The following CDH23 variants were observed in gnomAD, a reference collection of about 807,000 sequenced individuals.
The protein encoded by CDH23 is cadherin related 23.
Under a neutral mutation model 317.1 loss-of-function variants are expected in CDH23, and 189 were observed. The observed-to-expected ratio is 0.60, with a 90% CI of 0.53 to 0.67. CDH23 has a LOEUF of 0.67. Ranked by LOEUF, CDH23 falls within the 30% of genes least tolerant of loss-of-function variation. CDH23 has a pLI of 0.00. For synonymous variants in CDH23, 1,839 were observed against 1,876.8 expected (o/e 0.98, Z 0.52); for missense variants, 4,401 against 4,592.4 (o/e 0.96, Z 1.20).
intron 48 of CDH23, chr10:71,795,923 CA>C: frequency 1.0e-6 from 1 of 986,380 alleles, no homozygotes; most frequent in Non-Finnish European, 1.2e-6. Context: ...ACCACACCCC[CA>C]CCACCCTTCC....
At chr10:71,653,370 C>T (rs1383150785) in intron 14 of CDH23, among the ~76,000 whole-genome samples, 2 of 152,222 alleles carry the variant, frequency 1.3e-5, no homozygotes, top group Non-Finnish European at 2.9e-5. Flanking sequence ...GCCACAGGGC[C>T]TCTCCCTCTG....
At chr10:71,471,952 A>G (rs1851537904) in intron 3 of CDH23, among the ~76,000 whole-genome samples, 1 of 152,174 alleles carries the variant, frequency 6.6e-6, no homozygotes, top group Non-Finnish European at 1.5e-5. Context: ...TTGCTTTGAG[A>G]GTCAATGTGA....
chr10:71,473,581 A>T (rs1018420175), intron 3 of CDH23, among the ~76,000 whole-genome samples: 1 of 152,214 alleles, frequency 6.6e-6, no homozygotes, highest in African/African-American at 2.4e-5. Flanking sequence ...TCCCAGGGCA[A>T]GTTCCTCAAC....
intron 3 of CDH23, among the ~76,000 whole-genome samples, chr10:71,446,785 A>C (rs1850191442): frequency 6.6e-6 from 1 of 152,222 alleles, no homozygotes; most frequent in Admixed American, 6.5e-5. Flanking sequence ...TAGAAAAAAC[A>C]TGAACTATTT....
rs139793369 is a variant in CDH23 at position 71,509,239 on chromosome 10, T to C, written c.146-843T>C. 6.7e-3 allele frequency among the ~76,000 whole-genome samples: 1,015 copies of C among 152,350 alleles called. 11 individuals are homozygous for C. Among genetic ancestry groups the C allele is most frequent in the African/African-American group, 0.019 (791 of 41,580 alleles). On this transcript the variant is annotated intron_variant, in intron 3 of 69. Coordinates refer to ENST00000224721, the MANE Select transcript of CDH23 (RefSeq NM_022124.6). ...TGCTCATCATAAGGGCAGCACCTGG[T>C]CACTCTTGAATGAATGCCAAAAGAT...
chr10:71,439,919 G>A (rs1237514241), intron 2 of CDH23, 21 bp downstream of exon 2: 5 of 1,559,194 alleles, frequency 3.2e-6, no homozygotes, highest in Non-Finnish European at 4.3e-6. Flanking sequence ...TCCTCCCCGT[G>A]TCTATCCCAT....
intron 14 of CDH23, among the ~76,000 whole-genome samples, chr10:71,671,073 C>T (rs1304721032): frequency 6.6e-6 from 1 of 151,754 alleles, no homozygotes; most frequent in Admixed American, 6.6e-5. Flanking sequence ...AATTCTCCTG[C>T]CTCAGCCTCC....
intron 44 of CDH23, among the ~76,000 whole-genome samples, chr10:71,787,493 G>A (rs1841137354): frequency 6.6e-6 from 1 of 151,962 alleles, no homozygotes. Context: ...TCACTGAACA[G>A]TGAACATTGT....
chr10:71,634,616 C>A (rs945685902), intron 11 of CDH23, among the ~76,000 whole-genome samples: 4 of 152,216 alleles, frequency 2.6e-5, no homozygotes, highest in African/African-American at 9.7e-5. Flanking sequence ...CCAAACAGAG[C>A]CCATGCTGGA....
intron 19 of CDH23, among the ~76,000 whole-genome samples, chr10:71,688,895 G>C (rs969558485): frequency 4.1e-5 from 5 of 122,714 alleles, no homozygotes; most frequent in East Asian, 2.5e-4. Context: ...GGGTGGTGGA[G>C]CCAGGGATGG....
chr10:71,536,461 T>A (rs1228828248), intron 6 of CDH23, among the ~76,000 whole-genome samples: 1 of 152,162 alleles, frequency 6.6e-6, no homozygotes, highest in Admixed American at 6.5e-5. Flanking sequence ...TTGCTTTTGA[T>A]GTAATGAAAA....
Position 71,522,625 on chromosome 10 carries a change from G to A in CDH23, c.429+11413G>A, listed in dbSNP as rs55901735. Among the ~76,000 whole-genome samples the A allele has an allele frequency of 7.2e-3, 1,091 of 152,228 alleles. 10 individuals carry two copies. Among genetic ancestry groups the A allele is most frequent in the African/African-American group, 0.025 (1,046 of 41,524 alleles). On this transcript the variant is annotated intron_variant, in intron 6 of 69. Coordinates refer to ENST00000224721, the MANE Select transcript of CDH23 (RefSeq NM_022124.6). ...CTGTGCAGGTGATATGGGACAGTCC[G>A]CCTATACATTGCACGCACCAGGGGG...
intron 3 of CDH23, among the ~76,000 whole-genome samples, chr10:71,492,681 G>T (rs1228670322): frequency 6.6e-6 from 1 of 152,200 alleles, no homozygotes; most frequent in East Asian, 1.9e-4. Flanking sequence ...GCCTGTCTGT[G>T]CCAGGCACTC....
Position 71,397,097 on chromosome 10 carries a change from A to C in CDH23, c.-227A>C. The C allele has an allele frequency of 5.9e-6, 1 of 169,086 alleles. No homozygotes were observed. Among genetic ancestry groups the C allele is most frequent in the South Asian group, 1.1e-4 (1 of 9,074 alleles). 10.5% of individuals were successfully genotyped at this position (169,086 alleles called of 1,614,324 possible). A position where few individuals can be genotyped will look rare whatever the true frequency, so the allele number is the denominator to read the frequency against. On this transcript the variant is annotated 5_prime_UTR_variant, in exon 1 of 70. Transcript: ENST00000224721. The surrounding 1 kb of genome is among the most constrained non-coding windows in gnomAD (Gnocchi z 4.8). The stretch of plus-strand genomic sequence containing the variant: ...GCCTCTGGACGTTTGGGGCGCGCCC[A>C]GTCCGAGCCCCCGGCGCGCCTGAAG...
intron 2 of CDH23, among the ~76,000 whole-genome samples, chr10:71,445,637 G>T (rs1328589083): frequency 1.3e-5 from 2 of 152,250 alleles, no homozygotes; most frequent in East Asian, 3.9e-4. Context: ...CCAGGAGTTG[G>T]AGACCAGCCT....
chr10:71,750,572 G>C (rs149298009), intron 38 of CDH23: 5 of 152,476 alleles, frequency 3.3e-5, no homozygotes, highest in African/African-American at 9.6e-5. Flanking sequence ...ATTTGCTCAC[G>C]GAGGCCACCA....
At chr10:71,750,994 G>A in intron 38 of CDH23, 1 of 455,256 alleles carries the variant, frequency 2.2e-6, no homozygotes, top group Non-Finnish European at 3.9e-6. Context: ...TTTGGCATCT[G>A]TAGCTGGTGA....
intron 1 of CDH23, among the ~76,000 whole-genome samples, chr10:71,417,222 G>A (rs973007386): frequency 1.9e-4 from 29 of 151,794 alleles, no homozygotes; most frequent in African/African-American, 6.3e-4. Context: ...GACTACAGGC[G>A]CACACCACCA....
At chr10:71,469,758 G>A (rs1239791416) in intron 3 of CDH23, among the ~76,000 whole-genome samples, 1 of 151,974 alleles carries the variant, frequency 6.6e-6, no homozygotes, top group African/African-American at 2.4e-5. Flanking sequence ...GGCGTGTGCT[G>A]CATGCCCAGC....
Sources: gnomAD v4.1 joint callset for allele counts (sites outside exome capture counted in the v4.1 genomes callset) on GRCh38, gnomAD v4.1.1 for gene constraint, Gnocchi (gnomAD v3.1) non-coding constraint, MANE v1.5 for transcripts, NCBI Gene and HGNC (gene_info 2026-07-23, HGNC 2026-07-21) for gene names.